Variants in TRAPPC10 observed in about 807,000 individuals in gnomAD.
TRAPPC10 encodes the protein TRAPP 130 kDa subunit.
TRAPPC10 carries 23 observed loss-of-function variants against 125.5 expected under a neutral mutation model. The observed-to-expected ratio is 0.18, with a 90% CI of 0.13 to 0.26. TRAPPC10 has a LOEUF of 0.26. TRAPPC10 is among the 10% of genes least tolerant of loss of function. TRAPPC10 has a pLI of 1.00. For synonymous variants in TRAPPC10, 509 were observed against 518.0 expected (o/e 0.98, Z 0.24); for missense variants, 1,123 against 1,308.4 (o/e 0.86, Z 2.19).
rs1209976624 is a variant in TRAPPC10 at position 44,087,027 on chromosome 21, G to A, written c.2539+67G>A. ...TGCCCTGCACTGTGTGGGTGTGAGGGTGAGCCTGGCCTTGCTGCCATCCTG... is the reference window on the plus strand; with the variant it reads ...TGCCCTGCACTGTGTGGGTGTGAGGATGAGCCTGGCCTTGCTGCCATCCTG... On this transcript the variant is annotated intron_variant, in intron 16 of 22. Coordinates refer to ENST00000291574, the MANE Select transcript of TRAPPC10 (RefSeq NM_003274.5). This position sits in a 1 kb window ranked among gnomAD's most constrained non-coding sequence, Gnocchi z 4.6. 2 of 1,567,280 alleles carry A rather than the reference G, an allele frequency of 1.3e-6. No homozygotes were observed. The highest frequency in any genetic ancestry group is 2.3e-5 in the East Asian group (1 of 44,312).
intron 9 of TRAPPC10, among the ~76,000 whole-genome samples, 166 bp from the exon 10 acceptor site, chr21:44,076,386 T>G (rs978151053): frequency 6.6e-6 from 1 of 152,218 alleles, no homozygotes; most frequent in Non-Finnish European, 1.5e-5. Flanking sequence ...ATATGTGAAT[T>G]GAAAGAGAAT....
Position 44,079,795 on chromosome 21 carries a change from T to C in TRAPPC10, c.1610+91T>C, listed in dbSNP as rs964585828. The C allele has an allele frequency of 4.3e-6, 6 of 1,407,210 alleles. No homozygotes were observed. The African/African-American group carries it at 7.3e-5, about 17-fold the overall frequency. The allele number at this position is 1,407,210 out of a possible 1,614,324, so 87.2% of individuals were successfully genotyped here. Reference sequence around the variant, plus strand: ...ATCAATGTTTCATTCACACCTATTATTAAGGAGAGAAAAGTCCTAACTTAT... The same window carrying C: ...ATCAATGTTTCATTCACACCTATTACTAAGGAGAGAAAAGTCCTAACTTAT... On this transcript the variant is annotated intron_variant, in intron 12 of 22. Transcript: ENST00000291574.
chr21:44,028,404 T>G (rs1434315990), intron 1 of TRAPPC10, among the ~76,000 whole-genome samples: 1 of 152,170 alleles, frequency 6.6e-6, no homozygotes, highest in Non-Finnish European at 1.5e-5. Context: ...AGTGCCTGTG[T>G]CCCTCTGGGT....
chr21:44,059,487 C>T lies in TRAPPC10; in HGVS notation c.790+273C>T, dbSNP rs1253628219. 2 of 755,636 alleles carry T rather than the reference C, an allele frequency of 2.6e-6. No individual in the cohort carries two copies. Among genetic ancestry groups the T allele is most frequent in the Non-Finnish European group, 4.9e-6 (2 of 404,676 alleles). The allele number at this position is 755,636 out of a possible 1,614,324, so 46.8% of individuals were successfully genotyped here. ...CAGGTATAAAATGTCCTTTCCACAA[C>T]TCAGTGGCCTGCTGGTGATGCTTCG... On this transcript the variant is annotated intron_variant, in intron 6 of 22. Transcript: ENST00000291574. The surrounding 1 kb of genome is among the most constrained non-coding windows in gnomAD (Gnocchi z 4.4).
chr21:44,053,313 G>A (rs544156338), intron 4 of TRAPPC10, among the ~76,000 whole-genome samples: 40 of 152,216 alleles, frequency 2.6e-4, no homozygotes, highest in African/African-American at 8.2e-4. Context: ...TACATAATAC[G>A]TGTGTGTATT....
chr21:44,067,911 G>A (rs1403670854), intron 7 of TRAPPC10, among the ~76,000 whole-genome samples: 4 of 152,084 alleles, frequency 2.6e-5, no homozygotes, highest in Admixed American at 1.3e-4. Context: ...CATGAGGTCA[G>A]GAGTTCCAGA....
rs780239636 is a variant in TRAPPC10 at position 44,074,357 on chromosome 21, G to A, written c.1072G>A (p.Val358Met). ...SVPPGALDCW[V>M]FLSCLEVLQR... ...CCCACCTGGTGCTCTGGACTGCTGG[G>A]TGTTTCTGAGCTGTCTGGAGGTGTT... is the stretch of plus-strand genomic sequence containing the variant. The change falls in exon 8 of 23, where the codon GTG becomes ATG. Residue 358 changes from valine to methionine, a missense_variant. Transcript: ENST00000291574. 5 of 1,614,186 alleles carry A rather than the reference G, an allele frequency of 3.1e-6. No homozygotes were observed. In the South Asian group the frequency reaches 5.5e-5, roughly 18 times the overall value.
chr21:44,093,620 TGGC>T (rs2038732204), intron 19 of TRAPPC10, among the ~76,000 whole-genome samples: 1 of 152,060 alleles, frequency 6.6e-6, no homozygotes, highest in African/African-American at 2.4e-5. Context: ...GAGCTGGGCA[TGGC>T]GGCGTGCATC....
intron 15 of TRAPPC10, among the ~76,000 whole-genome samples, chr21:44,084,697 G>C (rs1394917920): frequency 2.6e-5 from 4 of 152,172 alleles, no homozygotes; most frequent in Non-Finnish European, 5.9e-5. Flanking sequence ...AGACACCACA[G>C]GGTGAGGGCT....
Position 44,065,499 on chromosome 21 carries a change from C to T in TRAPPC10, c.1038+1714C>T, listed in dbSNP as rs188760265. On this transcript the variant is annotated intron_variant, in intron 7 of 22. Coordinates refer to ENST00000291574, the MANE Select transcript of TRAPPC10 (RefSeq NM_003274.5). ...GTCATAGCTATTGCACCTCTTTGCA[C>T]GGTTGAGTTCTGCATCTCCAGTGAG... Among the ~76,000 whole-genome samples the T allele has an allele frequency of 1.7e-3, 262 of 152,314 alleles. 2 individuals carry two copies. The highest frequency in any genetic ancestry group is 5.9e-3 in the African/African-American group (244 of 41,558).
intron 4 of TRAPPC10, among the ~76,000 whole-genome samples, chr21:44,054,903 G>A (rs992880697): frequency 2.6e-5 from 4 of 152,154 alleles, no homozygotes; most frequent in African/African-American, 9.7e-5. Flanking sequence ...AAGATGCCAC[G>A]CCTGGGTGGA....
At chr21:44,027,264 AACTG>A (rs763216451) in intron 1 of TRAPPC10, among the ~76,000 whole-genome samples, 6 of 152,224 alleles carry the variant, frequency 3.9e-5, no homozygotes, top group African/African-American at 7.2e-5. Context: ...GAAAGCGACA[AACTG>A]ACTGAACATT....
chr21:44,063,661 A>T lies in TRAPPC10; in HGVS notation c.914A>T (p.Asp305Val). 1 of 1,614,184 alleles carries T rather than the reference A, an allele frequency of 6.2e-7. No homozygotes were observed. The highest frequency in any genetic ancestry group is 8.5e-7 in the Non-Finnish European group (1 of 1,180,032). ...SIQRREATLL[D>V]LRSYLFSRQC... The stretch of plus-strand genomic sequence containing the variant: ...CAGAGGCGAGAAGCCACCCTGTTAG[A>T]TCTGCGCAGTTACCTGTTCTCTCGC... The change falls in exon 7 of 23, where the codon GAT (aspartate) becomes GTT (valine). Residue 305 changes from aspartate (D) to valine (V), a missense_variant. This residue lies in a region of TRAPPC10 where 91 missense variants were observed against 127.1 expected (regional missense o/e 0.72). Transcript: ENST00000291574. This position sits in a 1 kb window ranked among gnomAD's most constrained non-coding sequence, Gnocchi z 4.4.
rs751059955 is a variant in TRAPPC10, at chr21:44,092,037, G to T, written c.2985G>T (p.Thr995=). 3.1e-6 allele frequency: 5 copies of T among 1,613,938 alleles called. No individual in the cohort carries two copies. The highest frequency in any genetic ancestry group is 4.2e-6 in the Non-Finnish European group (5 of 1,179,934). ...ACCTGCAACTAGTACCACTGAACAC[G>T]CAGTCCCAGCAGGTAAACATTGTGT... is the stretch of plus-strand genomic sequence containing the variant. The part of the protein sequence containing the change: ...STDLQLVPLN[T]QSQQPIYSKQ... Residue 995 remains threonine, a synonymous_variant, in exon 19 of 23, where the codon ACG becomes ACT. Transcript: ENST00000291574.
At chr21:44,042,093 C>T (rs1292645578) in intron 3 of TRAPPC10, among the ~76,000 whole-genome samples, 1 of 152,162 alleles carries the variant, frequency 6.6e-6, no homozygotes, top group East Asian at 1.9e-4. Flanking sequence ...TTTTTTCCCT[C>T]CAGAGAACCA....
chr21:44,044,346 A>G (rs567979543), intron 3 of TRAPPC10, among the ~76,000 whole-genome samples: 10 of 146,844 alleles, frequency 6.8e-5, no homozygotes, highest in Admixed American at 5.4e-4. Context: ...ATTATCGTCT[A>G]TTTAAAAAAA....
chr21:44,086,356 C>T (rs1387995276), intron 15 of TRAPPC10, among the ~76,000 whole-genome samples: 1 of 152,212 alleles, frequency 6.6e-6, no homozygotes, highest in Non-Finnish European at 1.5e-5. Context: ...TGTTCTTAAC[C>T]CAAAAGCCCG....
Position 44,089,858 on chromosome 21 carries a change from T to G in TRAPPC10, c.2795T>G (p.Ile932Ser). 1 of 1,613,910 alleles carries G rather than the reference T, an allele frequency of 6.2e-7. No homozygotes were observed. The highest frequency in any genetic ancestry group is 8.5e-7 in the Non-Finnish European group (1 of 1,179,840). Residue 932 changes from isoleucine (I) to serine (S), a missense_variant, in exon 18 of 23, where the codon ATC (isoleucine) becomes AGC (serine). Physicochemically the swap from Ile to Ser is moderately radical, Grantham distance 142 (BLOSUM62 -2). Transcript: ENST00000291574. ...GTGTCGATTGACTGCCCGTGGTCCA[T>G]CTACTCCACAGTCATCGCACTGACC... ...HKVSIDCPWS[I>S]YSTVIALTFS...
At position 44,083,017 on chromosome 21, in the gene TRAPPC10, C is replaced by G. The variant is rs369675697; in HGVS notation, c.1953C>G (p.Ser651=). The G allele has an allele frequency of 1.9e-6, 3 of 1,614,088 alleles. No homozygotes were observed. The highest frequency in any genetic ancestry group is 2.5e-6 in the Non-Finnish European group (3 of 1,180,028). ...TAEWLTKHKT[S]NGIINFPPET... is the part of the protein sequence containing the mutation. Reference sequence around the variant, plus strand: ...AGTGGCTTACCAAGCACAAGACGTCCAATGGGATCATTAACTTTCCACCCG... The same window carrying G: ...AGTGGCTTACCAAGCACAAGACGTCGAATGGGATCATTAACTTTCCACCCG... Residue 651 remains serine (S), a synonymous_variant, in exon 14 of 23, where the codon TCC becomes TCG. Transcript: ENST00000291574.
Sources: allele counts gnomAD v4.1 joint callset (sites outside exome capture counted in the v4.1 genomes callset), GRCh38; gene constraint gnomAD v4.1.1; regional missense constraint gnomAD v4.1.1; non-coding constraint Gnocchi (gnomAD v3.1); transcripts MANE v1.5; gene names NCBI Gene and HGNC (gene_info 2026-07-23, HGNC 2026-07-21).